The following IMMP2L variants were observed in gnomAD, a reference collection of about 807,000 sequenced individuals.
The protein encoded by IMMP2L is inner mitochondrial membrane peptidase subunit 2.
A neutral mutation model predicts 19.3 loss-of-function variants in IMMP2L; 18 were observed. The ratio of observed to expected loss-of-function variants is 0.93; its 90% CI spans 0.64 to 1.38. The LOEUF (loss-of-function observed/expected upper bound fraction) is 1.38, where lower values mean the gene tolerates loss of function less well. Ranked by LOEUF, IMMP2L falls within the 40% of genes most tolerant of loss-of-function variation. IMMP2L has a pLI of 0.00. For synonymous variants in IMMP2L, 76 were observed against 73.0 expected (o/e 1.04, Z -0.21); for missense variants, 233 against 218.2 (o/e 1.07, Z -0.43).
In IMMP2L at chr7:110,886,687, C is replaced by T; in HGVS notation, c.314G>A (p.Gly105Glu). ...GACTTTGACATACCGGTTTTTGTGTCCTATGGTTCTGGAAATAAACAGTGT... is the reference window on the plus strand; with the variant it reads ...GACTTTGACATACCGGTTTTTGTGTTCTATGGTTCTGGAAATAAACAGTGT... Reference protein sequence around the residue: ...ALEGDIVRTIGHKNRYVKVPR... With the variant: ...ALEGDIVRTIEHKNRYVKVPR... The change falls in exon 5 of 6, where the codon GGA becomes GAA. Residue 105 changes from glycine (G) to glutamate (E), a missense_variant. By Grantham distance (98) the Gly-to-Glu change is moderately conservative (BLOSUM62 -2). Coordinates refer to ENST00000405709, the MANE Select transcript of IMMP2L (RefSeq NM_032549.4). The T allele has an allele frequency of 6.4e-7, 1 of 1,569,288 alleles. No individual in the cohort carries two copies. Among genetic ancestry groups the T allele is most frequent in the Non-Finnish European group, 8.8e-7 (1 of 1,139,938 alleles).
intron 3 of IMMP2L, among the ~76,000 whole-genome samples, chr7:111,419,218 T>C (rs1052110053): frequency 6.6e-6 from 1 of 151,802 alleles, no homozygotes; most frequent in Non-Finnish European, 1.5e-5. Context: ...TTTTGAATTA[T>C]TAATTAAAAA....
chr7:111,533,440 T>C (rs897473464), intron 1 of IMMP2L, among the ~76,000 whole-genome samples: 2 of 152,142 alleles, frequency 1.3e-5, no homozygotes, highest in Non-Finnish European at 2.9e-5. Context: ...CTCCTAAATT[T>C]CTGATGATCC....
At position 110,877,590 on chromosome 7, in the gene IMMP2L, G is replaced by A. The variant is rs909357660; in HGVS notation, c.408+9003C>T. On this transcript the variant is annotated intron_variant, in intron 5 of 5. Coordinates refer to ENST00000405709, the MANE Select transcript of IMMP2L (RefSeq NM_032549.4). The surrounding 1 kb of genome is among the most constrained non-coding windows in gnomAD (Gnocchi z 4.0). Reference sequence around the variant, plus strand: ...GTAAGACGGATCTGGAAAATTTGGCGGGAGACAGGATCAAAAGGGTTTGAC... The same window carrying A: ...GTAAGACGGATCTGGAAAATTTGGCAGGAGACAGGATCAAAAGGGTTTGAC... Among the ~76,000 whole-genome samples, 1 of 152,100 alleles carries A rather than the reference G, an allele frequency of 6.6e-6. No individual in the cohort carries two copies. Among genetic ancestry groups the A allele is most frequent in the Non-Finnish European group, 1.5e-5 (1 of 68,022 alleles).
intron 3 of IMMP2L, among the ~76,000 whole-genome samples, chr7:111,320,021 A>T (rs1008432659): frequency 2.0e-5 from 3 of 151,872 alleles, no homozygotes; most frequent in African/African-American, 7.3e-5. Flanking sequence ...AAACCACTTT[A>T]AAAAAAATCT....
intron 4 of IMMP2L, among the ~76,000 whole-genome samples, chr7:110,895,342 T>C (rs566819385): frequency 1.3e-5 from 2 of 152,308 alleles, no homozygotes; most frequent in East Asian, 1.9e-4. Flanking sequence ...AGCCAAACCA[T>C]ATCACCCTAT....
At chr7:110,767,478 A>T (rs1365829504) in intron 5 of IMMP2L, among the ~76,000 whole-genome samples, 2 of 152,124 alleles carry the variant, frequency 1.3e-5, no homozygotes, top group African/African-American at 4.8e-5. Flanking sequence ...AAGCTCATCC[A>T]CTATAACAGT....
At chr7:111,271,386 T>C (rs991434508) in intron 3 of IMMP2L, among the ~76,000 whole-genome samples, 1 of 152,128 alleles carries the variant, frequency 6.6e-6, no homozygotes, top group African/African-American at 2.4e-5. Flanking sequence ...CTGAATAACA[T>C]AAAATTCATC....
At chr7:110,905,638 G>A (rs952627023) in intron 4 of IMMP2L, among the ~76,000 whole-genome samples, 3 of 152,160 alleles carry the variant, frequency 2.0e-5, no homozygotes, top group African/African-American at 7.2e-5. Flanking sequence ...CAAAAGATGA[G>A]AGATCATAAA....
At chr7:111,252,161 A>G (rs1303108997) in intron 3 of IMMP2L, among the ~76,000 whole-genome samples, 1 of 152,122 alleles carries the variant, frequency 6.6e-6, no homozygotes, top group Non-Finnish European at 1.5e-5. Flanking sequence ...CTTCTTTTCA[A>G]AGTTCACATG....
chr7:111,411,068 T>C (rs1834363952), intron 3 of IMMP2L, among the ~76,000 whole-genome samples: 2 of 114,144 alleles, frequency 1.8e-5, no homozygotes, highest in Admixed American at 8.6e-5. Flanking sequence ...AGAAAAACCA[T>C]GACATGATAT....
chr7:111,103,723 G>A (rs1035242279), intron 3 of IMMP2L, among the ~76,000 whole-genome samples: 1 of 151,660 alleles, frequency 6.6e-6, no homozygotes, highest in Non-Finnish European at 1.5e-5. Flanking sequence ...CTCTGTATGT[G>A]TCGGGTGCAG....
intron 3 of IMMP2L, among the ~76,000 whole-genome samples, chr7:111,025,509 C>T (rs189089570): frequency 8.5e-5 from 13 of 152,222 alleles, no homozygotes; most frequent in African/African-American, 3.1e-4. Flanking sequence ...CTAAATAAAA[C>T]AGGTTGCGCC....
chr7:111,416,777 G>T (rs535114956), intron 3 of IMMP2L, among the ~76,000 whole-genome samples: 1 of 151,564 alleles, frequency 6.6e-6, no homozygotes, highest in Non-Finnish European at 1.5e-5. Flanking sequence ...TACTTGCTCA[G>T]TAGGCAATAC....
chr7:111,201,027 A>G (rs527477601), intron 3 of IMMP2L, among the ~76,000 whole-genome samples: 1 of 152,300 alleles, frequency 6.6e-6, no homozygotes, highest in South Asian at 2.1e-4. Context: ...TCTTCTATAA[A>G]GACAAAATCA....
At chr7:111,419,675 C>T (rs1315312625) in intron 3 of IMMP2L, among the ~76,000 whole-genome samples, 1 of 151,502 alleles carries the variant, frequency 6.6e-6, no homozygotes, top group African/African-American at 2.4e-5. Context: ...TCTCATGTCT[C>T]CCTAAAATGC....
intron 5 of IMMP2L, among the ~76,000 whole-genome samples, chr7:110,799,953 T>TC (rs1159930000): frequency 2.0e-5 from 3 of 152,060 alleles, no homozygotes; most frequent in Non-Finnish European, 2.9e-5. Flanking sequence ...GAAATTCATT[T>TC]CCATAAATGT....
At chr7:111,508,213 A>C (rs1191774480) in intron 2 of IMMP2L, among the ~76,000 whole-genome samples, 3 of 152,156 alleles carry the variant, frequency 2.0e-5, no homozygotes, top group Non-Finnish European at 4.4e-5. Flanking sequence ...AAAAAAATAA[A>C]AATTTTAAAG....
intron 2 of IMMP2L, among the ~76,000 whole-genome samples, chr7:111,516,881 G>A (rs967924944): frequency 6.6e-6 from 1 of 152,102 alleles, no homozygotes; most frequent in African/African-American, 2.4e-5. Context: ...CAAGGTGAGT[G>A]ACGACACAGA....
intron 3 of IMMP2L, among the ~76,000 whole-genome samples, chr7:111,443,997 T>C (rs1385976653): frequency 3.9e-5 from 6 of 152,192 alleles, no homozygotes; most frequent in Non-Finnish European, 8.8e-5. Context: ...AAATAGATTT[T>C]AAAATTATTT....
Sources: gnomAD v4.1 joint callset for allele counts (sites outside exome capture counted in the v4.1 genomes callset) on GRCh38, gnomAD v4.1.1 for gene constraint, Gnocchi (gnomAD v3.1) non-coding constraint, MANE v1.5 for transcripts, NCBI Gene and HGNC (gene_info 2026-07-23, HGNC 2026-07-21) for gene names.